The following NPAS2 variants were observed in gnomAD, a reference collection of about 807,000 sequenced individuals.
NPAS2 encodes the protein neuronal PAS domain protein 2.
A neutral mutation model predicts 107.5 loss-of-function variants in NPAS2; 23 were observed. The ratio of observed to expected loss-of-function variants is 0.21; its 90% CI spans 0.15 to 0.30. The LOEUF is 0.30. Ranked by LOEUF, NPAS2 falls within the 10% of genes least tolerant of loss-of-function variation. The pLI is 1.00. For synonymous variants in NPAS2, 403 were observed against 417.5 expected (o/e 0.97, Z 0.42); for missense variants, 756 against 1,043.3 (o/e 0.72, Z 3.79).
chr2:100,946,012 G>C (rs1674871351), intron 5 of NPAS2, among the ~76,000 whole-genome samples: 1 of 152,350 alleles, frequency 6.6e-6, no homozygotes, highest in South Asian at 2.1e-4. Context: ...TGAAGCTCCT[G>C]TTGGAGAGAG....
chr2:100,894,717 T>C (rs1433265012), intron 1 of NPAS2, among the ~76,000 whole-genome samples: 1 of 152,118 alleles, frequency 6.6e-6, no homozygotes, highest in African/African-American at 2.4e-5. Flanking sequence ...AAGAATGTCC[T>C]GGCCTGGTCT....
At chr2:100,847,805 C>T (rs910112606) in intron 1 of NPAS2, among the ~76,000 whole-genome samples, 61 of 152,172 alleles carry the variant, frequency 4.0e-4, no homozygotes, top group African/African-American at 1.3e-3. Flanking sequence ...GTAATCAGAA[C>T]GCCTTCGCCA....
At chr2:100,993,707 A>C in intron 20 of NPAS2, 180 bp downstream of exon 20, 1 of 534,960 alleles carries the variant, frequency 1.9e-6, no homozygotes, top group Non-Finnish European at 3.2e-6. Context: ...TATGAAGTCT[A>C]TGTCTACAGA....
intron 1 of NPAS2, among the ~76,000 whole-genome samples, chr2:100,852,232 T>TA (rs370681616): frequency 2.6e-5 from 4 of 151,670 alleles, no homozygotes; most frequent in Non-Finnish European, 5.9e-5. Flanking sequence ...CCGTCTCTCC[T>TA]AAAAAATACA....
intron 7 of NPAS2, among the ~76,000 whole-genome samples, chr2:100,952,468 G>T (rs975927775): frequency 1.3e-5 from 2 of 152,136 alleles, no homozygotes; most frequent in African/African-American, 4.8e-5. Context: ...GGAGGCTGAG[G>T]CAGGAGAATT....
chr2:100,995,900 C>T lies in NPAS2; in HGVS notation c.*318C>T, dbSNP rs371920466. On this transcript the variant is annotated 3_prime_UTR_variant, in exon 21 of 21. Transcript: ENST00000335681. The stretch of plus-strand genomic sequence containing the variant: ...AGATGGCGCATCTCGCTGCATCCCC[C>T]GAGAGTACACCGGTTGCTCTAGCCA... The T allele has an allele frequency of 4.8e-5, 70 of 1,444,998 alleles. No homozygotes were observed. Among genetic ancestry groups the T allele is most frequent in the East Asian group, 4.7e-4 (15 of 31,616 alleles). 89.5% of individuals were successfully genotyped at this position (1,444,998 alleles called of 1,614,324 possible).
At chr2:100,823,160 A>G (rs1343697397) in intron 1 of NPAS2, among the ~76,000 whole-genome samples, 1 of 152,310 alleles carries the variant, frequency 6.6e-6, no homozygotes, top group East Asian at 1.9e-4. Flanking sequence ...CTAATGGGGT[A>G]CTTAACTATG....
At chr2:100,874,825 T>C (rs975479868) in intron 1 of NPAS2, among the ~76,000 whole-genome samples, 1 of 152,120 alleles carries the variant, frequency 6.6e-6, no homozygotes, top group African/African-American at 2.4e-5. Context: ...AGGCAGAGAA[T>C]GCCCAGAACC....
At chr2:100,931,719 C>T (rs1683973831) in intron 3 of NPAS2, among the ~76,000 whole-genome samples, 2 of 152,024 alleles carry the variant, frequency 1.3e-5, no homozygotes, top group South Asian at 2.1e-4. Flanking sequence ...CTCCTGACCT[C>T]GTGATCTGCC....
intron 1 of NPAS2, among the ~76,000 whole-genome samples, chr2:100,839,573 C>T (rs1009348669): frequency 3.3e-5 from 5 of 152,022 alleles, no homozygotes; most frequent in Admixed American, 1.3e-4. Flanking sequence ...AAATGAAATA[C>T]GTGTTAATTG....
intron 1 of NPAS2, among the ~76,000 whole-genome samples, chr2:100,895,061 T>G (rs191254233): frequency 6.6e-6 from 1 of 152,248 alleles, no homozygotes; most frequent in East Asian, 1.9e-4. Flanking sequence ...CACTAGCTAG[T>G]CCAGTATTCT....
intron 7 of NPAS2, among the ~76,000 whole-genome samples, chr2:100,961,112 T>A (rs1320873586): frequency 6.6e-6 from 1 of 152,216 alleles, no homozygotes; most frequent in Non-Finnish European, 1.5e-5. Context: ...AGGAAGCCAG[T>A]TGTAATTAGA....
At chr2:100,882,270 T>G (rs1680397731) in intron 1 of NPAS2, among the ~76,000 whole-genome samples, 1 of 152,116 alleles carries the variant, frequency 6.6e-6, no homozygotes, top group Admixed American at 6.5e-5. Flanking sequence ...TTGCCACATT[T>G]GTGGATTTGC....
intron 7 of NPAS2, among the ~76,000 whole-genome samples, chr2:100,955,649 G>GTCAC (rs35915895): frequency 0.34 from 51,785 of 151,714 alleles, 9,064 homozygotes; most frequent in Middle Eastern, 0.5. Flanking sequence ...ACTGGATTGT[G>GTCAC]TCACTCCTGG....
intron 1 of NPAS2, among the ~76,000 whole-genome samples, chr2:100,833,457 A>G (rs1676868051): frequency 6.6e-6 from 1 of 152,214 alleles, no homozygotes; most frequent in African/African-American, 2.4e-5. Flanking sequence ...TCTTGAATGA[A>G]GTACTTGGTT....
intron 1 of NPAS2, among the ~76,000 whole-genome samples, chr2:100,838,888 A>G (rs35188153): frequency 0.18 from 27,422 of 152,006 alleles, 2,659 homozygotes; most frequent in East Asian, 0.24. Context: ...AGAAATATAT[A>G]TTAAATATAT....
intron 1 of NPAS2, among the ~76,000 whole-genome samples, chr2:100,842,548 A>C (rs191212633): frequency 1.3e-4 from 20 of 152,148 alleles, no homozygotes; most frequent in Admixed American, 1.0e-3. Context: ...CTTTTCCCTG[A>C]CCCAGCTGCC....
chr2:100,838,736 G>A (rs1002275140), intron 1 of NPAS2, among the ~76,000 whole-genome samples: 1 of 152,136 alleles, frequency 6.6e-6, no homozygotes. Context: ...CTTCTCAAAG[G>A]GGTGTTCATA....
At position 100,879,265 on chromosome 2, in the gene NPAS2, C is replaced by A. The variant is rs543193582; in HGVS notation, c.-22-25468C>A. On this transcript the variant is annotated intron_variant, in intron 1 of 20. Coordinates refer to ENST00000335681, the MANE Select transcript of NPAS2 (RefSeq NM_002518.4). ...TGTATTTAGGGTTTACAACGTATTACGGGATATGTATAGACAGGAAACGGG... is the reference window on the plus strand; with the variant it reads ...TGTATTTAGGGTTTACAACGTATTAAGGGATATGTATAGACAGGAAACGGG... Among the ~76,000 whole-genome samples, 5 of 152,140 alleles carry A rather than the reference C, an allele frequency of 3.3e-5. No individual in the cohort carries two copies. In the South Asian group the frequency reaches 6.2e-4, roughly 19 times the overall value.
Sources: allele counts gnomAD v4.1 joint callset (sites outside exome capture counted in the v4.1 genomes callset), GRCh38; gene constraint gnomAD v4.1.1; transcripts MANE v1.5; gene names NCBI Gene and HGNC (gene_info 2026-07-23, HGNC 2026-07-21).